Variants in SLCO1A2 observed in about 807,000 individuals in gnomAD.
SLCO1A2 encodes the protein OATP-1.
SLCO1A2 carries 67 observed loss-of-function variants against 69.0 expected under a neutral mutation model. The observed-to-expected ratio is 0.97, with a 90% CI of 0.80 to 1.19. The LOEUF (loss-of-function observed/expected upper bound fraction) is 1.19, where lower values mean the gene tolerates loss of function less well. Among genes scored for constraint, SLCO1A2 ranks in the 50% most tolerant of loss-of-function variants. The pLI is 0.00. For synonymous variants in SLCO1A2, 260 were observed against 265.9 expected (o/e 0.98, Z 0.22); for missense variants, 787 against 793.7 (o/e 0.99, Z 0.10).
At chr12:21,363,616 T>G (rs1340948788) in intron 2 of SLCO1A2, among the ~76,000 whole-genome samples, 1 of 152,070 alleles carries the variant, frequency 6.6e-6, no homozygotes, top group African/African-American at 2.4e-5. Context: ...GAGCTGGTTT[T>G]TGGAAAAGAT....
intron 2 of SLCO1A2, among the ~76,000 whole-genome samples, chr12:21,322,386 G>T (rs908075218): frequency 5.3e-5 from 8 of 152,186 alleles, no homozygotes; most frequent in African/African-American, 1.9e-4. Context: ...GGCACAGCTT[G>T]CTTTTATACA....
chr12:21,345,718 G>T (rs1330022052), intron 2 of SLCO1A2, among the ~76,000 whole-genome samples: 1 of 151,982 alleles, frequency 6.6e-6, no homozygotes, highest in Non-Finnish European at 1.5e-5. Flanking sequence ...ATTGATAACA[G>T]AATTAAACCC....
chr12:21,299,852 G>A (rs561296256), intron 8 of SLCO1A2, among the ~76,000 whole-genome samples: 8 of 125,366 alleles, frequency 6.4e-5, no homozygotes, highest in South Asian at 2.5e-4. Flanking sequence ...ATATATATAC[G>A]TGTATATATA....
At chr12:21,299,910 G>T (rs1948443710) in intron 8 of SLCO1A2, among the ~76,000 whole-genome samples, 1 of 146,626 alleles carries the variant, frequency 6.8e-6, no homozygotes, top group East Asian at 2.1e-4. Flanking sequence ...ATATACGTGT[G>T]TGTATATATA....
intron 8 of SLCO1A2, among the ~76,000 whole-genome samples, chr12:21,299,867 C>CTT (rs1289603740): frequency 0.015 from 1,603 of 105,452 alleles, 33 homozygotes; most frequent in African/African-American, 0.056. Flanking sequence ...TATATATATA[C>CTT]GTGTGTGTAT....
chr12:21,417,785 A>G (rs943860124), intron 1 of SLCO1A2: 22 of 152,142 alleles, frequency 1.4e-4, no homozygotes, highest in African/African-American at 5.1e-4. Context: ...AATGGTCAAA[A>G]CACTGACAAA....
At chr12:21,307,069 G>T in intron 4 of SLCO1A2, 81 bp from the exon 5 acceptor site, 1 of 909,182 alleles carries the variant, frequency 1.1e-6, no homozygotes. Flanking sequence ...GTTACCTTCT[G>T]CTTCCCATAC....
chr12:21,323,741 G>T (rs1355198593), intron 2 of SLCO1A2, among the ~76,000 whole-genome samples: 1 of 151,962 alleles, frequency 6.6e-6, no homozygotes. Context: ...TTCATGGTTG[G>T]GCTGGATGAA....
chr12:21,393,583 T>G (rs988397847), intron 1 of SLCO1A2, among the ~76,000 whole-genome samples: 1 of 152,216 alleles, frequency 6.6e-6, no homozygotes, highest in Non-Finnish European at 1.5e-5. Context: ...GCTCAGCTTA[T>G]CAAAGAAAAT....
At chr12:21,387,756 G>A (rs1391842400) in intron 1 of SLCO1A2, among the ~76,000 whole-genome samples, 2 of 152,178 alleles carry the variant, frequency 1.3e-5, no homozygotes, top group Non-Finnish European at 2.9e-5. Context: ...GTGGAGCTGT[G>A]AGAAGAGGGC....
intron 12 of SLCO1A2, among the ~76,000 whole-genome samples, chr12:21,282,388 T>C (rs1272017662): frequency 6.9e-6 from 1 of 144,564 alleles, no homozygotes; most frequent in Non-Finnish European, 1.5e-5. Flanking sequence ...CAGCATCGCT[T>C]TATGGTAAAA....
chr12:21,380,852 C>G (rs1940538999), intron 1 of SLCO1A2, among the ~76,000 whole-genome samples: 1 of 151,886 alleles, frequency 6.6e-6, no homozygotes, highest in South Asian at 2.1e-4. Flanking sequence ...AAGAGAGGGC[C>G]CCCCAACCCA....
In SLCO1A2 at chr12:21,304,032, G is replaced by A. The variant is rs79377539; in HGVS notation, c.589+395C>T. 5.7e-3 allele frequency among the ~76,000 whole-genome samples: 874 copies of A among 152,224 alleles called. 15 individuals carry two copies. Among genetic ancestry groups the A allele is most frequent in the African/African-American group, 0.02 (837 of 41,552 alleles). Reference sequence around the variant, plus strand: ...AAAATTCTGAAGAGAAAATAATAAAGAGAAACTACAGACAAAGTAATGAGA... The same window carrying A: ...AAAATTCTGAAGAGAAAATAATAAAAAGAAACTACAGACAAAGTAATGAGA... On this transcript the variant is annotated intron_variant, in intron 6 of 14. Transcript: ENST00000683939.
chr12:21,360,258 G>C (rs149294814), intron 2 of SLCO1A2, among the ~76,000 whole-genome samples: 1 of 152,180 alleles, frequency 6.6e-6, no homozygotes, highest in African/African-American at 2.4e-5. Flanking sequence ...AGGAGTGTGT[G>C]CATTGGCCAA....
In SLCO1A2 at chr12:21,334,826, CCTGGAACG is replaced by C; in HGVS notation, c.-70_-63del. ...TGAAATCCATTGCATTACAAAAATACCTGGAACGCTTTAATACAGATTAGAAAATCATG... is the reference window on the plus strand; with the variant it reads ...TGAAATCCATTGCATTACAAAAATACCTTTAATACAGATTAGAAAATCATG... On this transcript the variant is annotated splice_region_variant and 5_prime_UTR_variant, in exon 1 of 15. Transcript: ENST00000683939. 1.9e-6 allele frequency: 1 copy of C among 532,726 alleles called. No homozygotes were observed. The highest frequency in any genetic ancestry group is 2.5e-5 in the South Asian group (1 of 40,658). 33.0% of individuals were successfully genotyped at this position (532,726 alleles called of 1,614,324 possible).
At chr12:21,391,683 AT>A (rs1941161578) in intron 1 of SLCO1A2, among the ~76,000 whole-genome samples, 1 of 151,580 alleles carries the variant, frequency 6.6e-6, no homozygotes, top group Non-Finnish European at 1.5e-5. Flanking sequence ...TTTTTTTTAA[AT>A]TCCACTGACA....
intron 2 of SLCO1A2, among the ~76,000 whole-genome samples, chr12:21,362,475 G>A (rs543649280): frequency 6.6e-6 from 1 of 152,182 alleles, no homozygotes; most frequent in African/African-American, 2.4e-5. Flanking sequence ...TTGGTACTAG[G>A]AGGAAACTGC....
At chr12:21,284,300 C>A (rs539349143) in intron 12 of SLCO1A2, among the ~76,000 whole-genome samples, 2 of 152,250 alleles carry the variant, frequency 1.3e-5, no homozygotes, top group East Asian at 3.9e-4. Context: ...GTCCACAGCT[C>A]CCAGTGTGAG....
intron 2 of SLCO1A2, among the ~76,000 whole-genome samples, chr12:21,358,863 A>G (rs1938585963): frequency 6.6e-6 from 1 of 152,236 alleles, no homozygotes; most frequent in Admixed American, 6.5e-5. Flanking sequence ...CATGTAATCT[A>G]TACTTCATTT....
Sources: allele counts gnomAD v4.1 joint callset (sites outside exome capture counted in the v4.1 genomes callset), GRCh38; gene constraint gnomAD v4.1.1; transcripts MANE v1.5; gene names NCBI Gene and HGNC (gene_info 2026-07-23, HGNC 2026-07-21).